Variants in KCNIP4 observed in about 807,000 individuals in gnomAD.
KCNIP4 encodes potassium voltage-gated channel interacting protein 4.
In KCNIP4, 12 loss-of-function variants were observed where a neutral mutation model predicts 34.0. The ratio of observed to expected loss-of-function variants is 0.35; its 90% CI spans 0.23 to 0.57. The LOEUF (loss-of-function observed/expected upper bound fraction) is 0.57, where lower values mean the gene tolerates loss of function less well. Among genes scored for constraint, KCNIP4 ranks in the 20% least tolerant of loss-of-function variants. The pLI, the probability that KCNIP4 is intolerant of heterozygous loss-of-function variation, is 0.83. For synonymous variants in KCNIP4, 124 were observed against 102.2 expected (o/e 1.21, Z -1.29); for missense variants, 238 against 311.7 (o/e 0.76, Z 1.78).
At chr4:21,319,916 GGTGA>G (rs1227132352) in intron 1 of KCNIP4, among the ~76,000 whole-genome samples, 1 of 152,152 alleles carries the variant, frequency 6.6e-6, no homozygotes. Context: ...GGATAGAACT[GGTGA>G]GTGTTTTGCA....
chr4:21,173,351 G>C (rs7695830), intron 1 of KCNIP4, among the ~76,000 whole-genome samples: 99,179 of 151,886 alleles, frequency 0.65, 32,932 homozygotes, highest in African/African-American at 0.77. Flanking sequence ...ATCACTGAGT[G>C]CATATCACGT....
intron 1 of KCNIP4, among the ~76,000 whole-genome samples, chr4:21,419,164 A>T (rs1376886004): frequency 6.6e-6 from 1 of 152,122 alleles, no homozygotes; most frequent in Admixed American, 6.6e-5. Flanking sequence ...TCCATGCTTC[A>T]TTGAGATTGA....
intron 1 of KCNIP4, among the ~76,000 whole-genome samples, chr4:21,534,147 T>C (rs1441643673): frequency 6.6e-6 from 1 of 152,178 alleles, no homozygotes; most frequent in East Asian, 1.9e-4. Flanking sequence ...CCTGTGATAA[T>C]TTGGTGTCAA....
At chr4:21,319,565 A>G (rs1252559136) in intron 1 of KCNIP4, among the ~76,000 whole-genome samples, 1 of 152,172 alleles carries the variant, frequency 6.6e-6, no homozygotes, top group Non-Finnish European at 1.5e-5. Flanking sequence ...ATCTTGCTGA[A>G]TTCCTCAGAA....
chr4:20,758,965 G>C (rs1388278151), intron 3 of KCNIP4, 75 bp from the exon 4 acceptor site: 1 of 1,147,846 alleles, frequency 8.7e-7, no homozygotes, highest in Non-Finnish European at 1.3e-6. Flanking sequence ...TTTTGAAACA[G>C]AACTGTCTAC....
chr4:21,521,612 A>G (rs900739036), intron 1 of KCNIP4, among the ~76,000 whole-genome samples: 8 of 152,132 alleles, frequency 5.3e-5, no homozygotes, highest in Non-Finnish European at 4.4e-5. Flanking sequence ...TCATCTAATT[A>G]TTCCTTTCTT....
intron 1 of KCNIP4, among the ~76,000 whole-genome samples, chr4:20,977,902 A>G (rs1194353018): frequency 6.6e-6 from 1 of 152,106 alleles, no homozygotes; most frequent in Admixed American, 6.6e-5. Flanking sequence ...CCCTCTCACA[A>G]TACTTTTTCA....
At chr4:21,891,917 A>G (rs1462674588) in intron 1 of KCNIP4, among the ~76,000 whole-genome samples, 2 of 152,108 alleles carry the variant, frequency 1.3e-5, no homozygotes, top group East Asian at 3.9e-4. Context: ...GTTTTGATTA[A>G]TTGAGAGTTG....
At chr4:21,719,344 T>C (rs1220737382) in intron 1 of KCNIP4, among the ~76,000 whole-genome samples, 1 of 152,150 alleles carries the variant, frequency 6.6e-6, no homozygotes, top group African/African-American at 2.4e-5. Flanking sequence ...CCTGCTGCTG[T>C]TTCAGCTGCT....
intron 1 of KCNIP4, among the ~76,000 whole-genome samples, chr4:21,539,893 C>T (rs1737530629): frequency 2.0e-5 from 3 of 151,756 alleles, no homozygotes; most frequent in Admixed American, 2.0e-4. Context: ...GCAGGAGAAT[C>T]GCTTGAACCG....
intron 1 of KCNIP4, among the ~76,000 whole-genome samples, chr4:21,340,580 A>G (rs1407288010): frequency 6.6e-6 from 1 of 152,042 alleles, no homozygotes; most frequent in Non-Finnish European, 1.5e-5. Context: ...TATCACACAC[A>G]TCTTCTAAGG....
chr4:21,934,810 G>A (rs1729759064), intron 1 of KCNIP4, among the ~76,000 whole-genome samples: 1 of 152,096 alleles, frequency 6.6e-6, no homozygotes. Flanking sequence ...ATCACTGGAT[G>A]TGTGACTTTG....
intron 1 of KCNIP4, among the ~76,000 whole-genome samples, chr4:21,054,347 C>T (rs995308037): frequency 7.2e-5 from 11 of 151,750 alleles, no homozygotes; most frequent in South Asian, 2.1e-4. Flanking sequence ...GGTGAAACCC[C>T]GTCTCTACCG....
intron 1 of KCNIP4, among the ~76,000 whole-genome samples, chr4:20,965,004 T>G (rs947936724): frequency 1.1e-4 from 17 of 152,262 alleles, no homozygotes; most frequent in Admixed American, 6.5e-4. Flanking sequence ...AGAAAAACTT[T>G]AAATGATTCT....
chr4:21,819,554 C>T (rs1216571726), intron 1 of KCNIP4, among the ~76,000 whole-genome samples: 2 of 152,056 alleles, frequency 1.3e-5, no homozygotes, highest in African/African-American at 4.8e-5. Flanking sequence ...CACTATTTAC[C>T]CAGCATCTTA....
chr4:21,225,583 T>G (rs1174276982), intron 1 of KCNIP4, among the ~76,000 whole-genome samples: 1 of 152,206 alleles, frequency 6.6e-6, no homozygotes, highest in Non-Finnish European at 1.5e-5. Context: ...TTTTTGATGT[T>G]GAATGAGTCC....
intron 1 of KCNIP4, among the ~76,000 whole-genome samples, chr4:21,723,096 A>G (rs1447677089): frequency 6.6e-6 from 1 of 152,146 alleles, no homozygotes. Context: ...TAATGGGTCT[A>G]TGAAAAGATT....
chr4:20,752,658 CCTT>C (rs1320074762), intron 4 of KCNIP4: 3 of 152,060 alleles, frequency 2.0e-5, no homozygotes, highest in African/African-American at 7.2e-5. Flanking sequence ...AATCAATGGT[CCTT>C]CTGATGGAGT....
At chr4:21,850,462 G>A (rs1724305499) in intron 1 of KCNIP4, 1 of 152,098 alleles carries the variant, frequency 6.6e-6, no homozygotes, top group South Asian at 2.1e-4. Context: ...AGAAGAGGAA[G>A]AGAGAACTAA....
Sources: gnomAD v4.1 joint callset for allele counts (sites outside exome capture counted in the v4.1 genomes callset) on GRCh38, gnomAD v4.1.1 for gene constraint, MANE v1.5 for transcripts, NCBI Gene and HGNC (gene_info 2026-07-23, HGNC 2026-07-21) for gene names.